Variants in VBP1 observed in about 807,000 individuals in gnomAD.
The protein encoded by VBP1 is prefoldin subunit 3.
VBP1 carries 4 observed loss-of-function variants against 15.5 expected under a neutral mutation model. That is an observed-to-expected ratio of 0.26 (90% CI 0.13 to 0.59). The LOEUF is 0.59. Among genes scored for constraint, VBP1 ranks in the 20% least tolerant of loss-of-function variants. The probability of loss-of-function intolerance (pLI) is 0.90; values close to 1 mark genes in which losing one functional copy is unlikely to be tolerated. For missense variants in VBP1, 108 were observed against 139.6 expected, an observed-to-expected ratio of 0.77 and a Z score of 1.14; for synonymous variants, 61 against 52.1, an observed-to-expected ratio of 1.17 and a Z score of -0.74.
At chrX:155,231,811 A>G (rs1393673978) in intron 4 of VBP1, among the ~76,000 whole-genome samples, 1 of 112,485 alleles carries the variant, frequency 8.9e-6, no homozygotes, top group Admixed American at 9.4e-5. Context: ...ATTCTGTGGT[A>G]GGGCTATGTG....
intron 1 of VBP1, among the ~76,000 whole-genome samples, chrX:155,197,791 C>T (rs1276873704): frequency 4.5e-5 from 5 of 112,200 alleles, no homozygotes; most frequent in African/African-American, 9.7e-5. Flanking sequence ...GTGCGCAAGC[C>T]GAAGCAGGGC....
At chrX:155,220,138 G>C in intron 1 of VBP1, 45 bp from the exon 2 acceptor site, 1 of 1,143,750 alleles carries the variant, frequency 8.7e-7, no homozygotes, top group Non-Finnish European at 1.2e-6. Flanking sequence ...AAATCTGAGT[G>C]GCATGAATTC....
chrX:155,216,001 G>A (rs2074661070), upstream of VBP1, among the ~76,000 whole-genome samples: 1 of 111,221 alleles, frequency 9.0e-6, no homozygotes, highest in Admixed American at 9.5e-5. Flanking sequence ...TCCCTTCAAG[G>A]GGCAGGAAGC....
At chrX:155,229,481 C>G (rs2074735672) in intron 4 of VBP1, among the ~76,000 whole-genome samples, 1 of 111,910 alleles carries the variant, frequency 8.9e-6, no homozygotes, top group Non-Finnish European at 1.9e-5. Flanking sequence ...AATAAATATG[C>G]ATATGTTCGA....
At chrX:155,204,874 T>G (rs1454957564) in intron 1 of VBP1, among the ~76,000 whole-genome samples, 1 of 112,101 alleles carries the variant, frequency 8.9e-6, no homozygotes, top group Non-Finnish European at 1.9e-5. Context: ...TTGTCTCATT[T>G]TGTTTTGTTT....
chrX:155,225,280 A>G (rs782091487), intron 2 of VBP1, among the ~76,000 whole-genome samples: 1 of 110,893 alleles, frequency 9.0e-6, no homozygotes, highest in Non-Finnish European at 1.9e-5. Flanking sequence ...TGCAACCTCC[A>G]CCTCCTGGAT....
intron 4 of VBP1, among the ~76,000 whole-genome samples, chrX:155,229,704 T>G (rs2074736740): frequency 8.9e-6 from 1 of 112,129 alleles, no homozygotes; most frequent in South Asian, 3.7e-4. Context: ...GCTCTTTTCA[T>G]GTTTTTCTTC....
chrX:155,199,151 C>T (rs1209918958), intron 1 of VBP1, among the ~76,000 whole-genome samples: 6 of 111,341 alleles, frequency 5.4e-5, no homozygotes, highest in East Asian at 2.8e-4. Flanking sequence ...CTGAAAGTGA[C>T]GGGGAGAATG....
chrX:155,232,228 CT>C (rs200591228), intron 4 of VBP1, among the ~76,000 whole-genome samples: 69 of 100,201 alleles, frequency 6.9e-4, no homozygotes, highest in East Asian at 2.5e-3. Context: ...GATTCTTTTT[CT>C]TTTTTTTTTT....
At chrX:155,223,410 A>C (rs1395977103) in intron 2 of VBP1, among the ~76,000 whole-genome samples, 1 of 109,292 alleles carries the variant, frequency 9.1e-6, no homozygotes, top group Non-Finnish European at 1.9e-5. Flanking sequence ...CTTAACGAGC[A>C]TGCTGCCTTC....
intron 1 of VBP1, among the ~76,000 whole-genome samples, chrX:155,217,358 A>C (rs1199678473): frequency 8.9e-6 from 1 of 112,167 alleles, no homozygotes; most frequent in Non-Finnish European, 1.9e-5. Context: ...TATTTTATTT[A>C]TTTAATTTAG....
intron 1 of VBP1, chrX:155,208,798 C>A: frequency 1.7e-6 from 1 of 593,096 alleles, no homozygotes. Flanking sequence ...TACTTGTTCT[C>A]ATGGTACTAT....
chrX:155,210,317 A>G (rs2074640146), intron 2 of VBP1, among the ~76,000 whole-genome samples: 1 of 111,497 alleles, frequency 9.0e-6, no homozygotes, highest in Admixed American at 9.5e-5. Context: ...AGCTGGATAT[A>G]GTGGCATGCA....
chrX:155,213,158 T>C (rs1266199309), upstream of VBP1: 1 of 111,641 alleles, frequency 9.0e-6, no homozygotes, highest in African/African-American at 3.3e-5. Flanking sequence ...CCAAAGCCCC[T>C]AGGGGAAACT....
At chrX:155,198,944 G>A (rs1844922783) in intron 1 of VBP1, among the ~76,000 whole-genome samples, 2 of 112,016 alleles carry the variant, frequency 1.8e-5, no homozygotes, top group Non-Finnish European at 3.8e-5. Context: ...GCCAAGTCTC[G>A]AGAACTACGT....
In VBP1 at chrX:155,239,141, G is replaced by A. The variant is rs1398781664; in HGVS notation, c.*299G>A. Reference sequence around the variant, plus strand: ...AGACATGCTATGGAAGCTGAATGCCGGACGCTAGCACAGTTTACTTTTTCC... The same window carrying A: ...AGACATGCTATGGAAGCTGAATGCCAGACGCTAGCACAGTTTACTTTTTCC... On this transcript the variant is annotated 3_prime_UTR_variant, in exon 6 of 6. Coordinates refer to ENST00000286428, the MANE Select transcript of VBP1 (RefSeq NM_003372.7). 1.0e-5 allele frequency: 2 copies of A among 200,688 alleles called. No individual in the cohort carries two copies. Among genetic ancestry groups the A allele is most frequent in the South Asian group, 1.2e-4 (1 of 8,204 alleles). 16.5% of individuals were successfully genotyped at this position (200,688 alleles called of 1,213,427 possible).
At chrX:155,230,314 A>C (rs782500740) in intron 4 of VBP1, among the ~76,000 whole-genome samples, 5 of 112,010 alleles carry the variant, frequency 4.5e-5, no homozygotes, top group Non-Finnish European at 7.5e-5. Flanking sequence ...ATAAAGTCAC[A>C]TTCTGAGCTA....
At chrX:155,200,173 C>T (rs1194956311) in intron 1 of VBP1, among the ~76,000 whole-genome samples, 28 of 104,690 alleles carry the variant, frequency 2.7e-4, no homozygotes, top group African/African-American at 9.4e-4. Flanking sequence ...GACTTTAACA[C>T]CCCACTGTCA....
chrX:155,205,779 C>A (rs1332238924), intron 1 of VBP1, among the ~76,000 whole-genome samples: 1 of 111,687 alleles, frequency 9.0e-6, no homozygotes, highest in African/African-American at 3.3e-5. Context: ...TCTTTCTAGG[C>A]ACAGGGCTAC....
Sources: gnomAD v4.1 joint callset for allele counts (sites outside exome capture counted in the v4.1 genomes callset) on GRCh38, gnomAD v4.1.1 for gene constraint, MANE v1.5 for transcripts, NCBI Gene and HGNC (gene_info 2026-07-23, HGNC 2026-07-21) for gene names.